Variants in CDYL2 observed in about 807,000 individuals in gnomAD.
CDYL2 encodes the protein chromodomain Y like 2, also known as chromodomain Y-like protein 2.
Under a neutral mutation model 49.4 loss-of-function variants are expected in CDYL2, and 23 were observed. The ratio of observed to expected loss-of-function variants is 0.47; its 90% CI spans 0.34 to 0.66. The LOEUF (loss-of-function observed/expected upper bound fraction) is 0.66, where lower values mean the gene tolerates loss of function less well. Ranked by LOEUF, CDYL2 falls within the 30% of genes least tolerant of loss-of-function variation. CDYL2 has a pLI of 0.01. For synonymous variants in CDYL2, 360 were observed against 268.8 expected, an observed-to-expected ratio of 1.34 and a Z score of -3.32; for missense variants, 678 against 656.4, an observed-to-expected ratio of 1.03 and a Z score of -0.36.
Position 80,612,500 on chromosome 16 carries a change from G to C in CDYL2, c.1218+126C>G. 1 of 891,930 alleles carries C rather than the reference G, an allele frequency of 1.1e-6. No individual in the cohort carries two copies. Among genetic ancestry groups the C allele is most frequent in the Non-Finnish European group, 1.7e-6 (1 of 583,494 alleles). The allele number at this position is 891,930 out of a possible 1,614,324, so 55.3% of individuals were successfully genotyped here. ...CTGGCACTGAAGGTGTGAAGGACATGAGGCAGCCAAGCCAATCTGCAGGCT... is the reference window on the plus strand; with the variant it reads ...CTGGCACTGAAGGTGTGAAGGACATCAGGCAGCCAAGCCAATCTGCAGGCT... On this transcript the variant is annotated intron_variant, in intron 5 of 6. Coordinates refer to ENST00000570137, the MANE Select transcript of CDYL2 (RefSeq NM_152342.4). This position sits in a 1 kb window ranked among gnomAD's most constrained non-coding sequence, Gnocchi z 5.0.
At chr16:80,773,559 T>C (rs1324100377) in intron 1 of CDYL2, among the ~76,000 whole-genome samples, 1 of 152,120 alleles carries the variant, frequency 6.6e-6, no homozygotes, top group Non-Finnish European at 1.5e-5. Context: ...AGTCCCACAC[T>C]AGGTGATAAG....
intron 2 of CDYL2, among the ~76,000 whole-genome samples, chr16:80,679,292 A>AAACC (rs1395256716): frequency 6.0e-5 from 2 of 33,546 alleles, no homozygotes; most frequent in Non-Finnish European, 2.3e-4. Flanking sequence ...ATAAATAAAT[A>AAACC]AACAAACAAG....
Position 80,633,199 on chromosome 16 carries a change from A to C in CDYL2, c.654T>G (p.Ser218Arg), listed in dbSNP as rs1211531545. 2 of 1,614,140 alleles carry C rather than the reference A, an allele frequency of 1.2e-6. No individual in the cohort carries two copies. The highest frequency in any genetic ancestry group is 1.7e-6 in the Non-Finnish European group (2 of 1,180,006). The change falls in exon 3 of 7, where the codon AGT becomes AGG. Residue 218 changes from serine to arginine, a missense_variant. Physicochemically the swap from Ser to Arg is moderately radical, Grantham distance 110 (BLOSUM62 -1). This residue lies in a region of CDYL2 where 478 missense variants were observed against 427.0 expected (regional missense o/e 1.12). Transcript: ENST00000570137. Reference sequence around the variant, plus strand: ...CCGCTTCCAGCTTCCTCTTCACTGGACTGTGCAGGTTCAATCCCCCGTTGG... The same window carrying C: ...CCGCTTCCAGCTTCCTCTTCACTGGCCTGTGCAGGTTCAATCCCCCGTTGG... ...ALTNGGLNLH[S>R]PVKRKLEAEK...
intron 1 of CDYL2, among the ~76,000 whole-genome samples, chr16:80,731,574 A>G (rs1250453112): frequency 1.3e-5 from 2 of 152,186 alleles, no homozygotes; most frequent in Non-Finnish European, 2.9e-5. Context: ...GATTTCAAAG[A>G]TAAGACTGTG....
intron 2 of CDYL2, among the ~76,000 whole-genome samples, chr16:80,655,102 C>T (rs1209930559): frequency 6.6e-6 from 1 of 152,226 alleles, no homozygotes; most frequent in East Asian, 1.9e-4. Context: ...TGGGGACATC[C>T]ATCCCTGCTG....
intron 1 of CDYL2, among the ~76,000 whole-genome samples, chr16:80,730,738 A>T (rs7190314): frequency 0.85 from 129,669 of 152,182 alleles, 56,657 homozygotes; most frequent in Non-Finnish European, 0.95. Flanking sequence ...ATAAATATGT[A>T]GGGGTGTATC....
chr16:80,690,428 G>A (rs1910370240), intron 1 of CDYL2, among the ~76,000 whole-genome samples: 2 of 152,070 alleles, frequency 1.3e-5, no homozygotes, highest in South Asian at 4.2e-4. Flanking sequence ...CATGACTAAG[G>A]GCCAGCTGCT....
chr16:80,663,495 T>C (rs540116016), intron 2 of CDYL2, among the ~76,000 whole-genome samples: 4 of 152,236 alleles, frequency 2.6e-5, no homozygotes, highest in Middle Eastern at 3.4e-3. Flanking sequence ...ATAAAATCCA[T>C]ACACTTCGAA....
At chr16:80,704,456 C>T (rs1182126572) in intron 1 of CDYL2, among the ~76,000 whole-genome samples, 2 of 152,240 alleles carry the variant, frequency 1.3e-5, no homozygotes, top group African/African-American at 4.8e-5. Context: ...GGCCCTCATG[C>T]TCATGAAGCA....
chr16:80,708,693 T>A (rs13336485), intron 1 of CDYL2, among the ~76,000 whole-genome samples: 1 of 152,122 alleles, frequency 6.6e-6, no homozygotes, highest in Non-Finnish European at 1.5e-5. Context: ...TCAATAAATA[T>A]CAGCTGGTAG....
At chr16:80,619,197 C>G (rs978427390) in intron 4 of CDYL2, among the ~76,000 whole-genome samples, 1 of 152,176 alleles carries the variant, frequency 6.6e-6, no homozygotes, top group Non-Finnish European at 1.5e-5. Flanking sequence ...CTCTCTGCGT[C>G]TGGAGCCCAC....
intron 3 of CDYL2, among the ~76,000 whole-genome samples, chr16:80,622,725 C>A (rs758934660): frequency 6.6e-6 from 1 of 152,122 alleles, no homozygotes; most frequent in African/African-American, 2.4e-5. Context: ...ACAAGGCCAA[C>A]TCAAAAGGCA....
rs564274526 is a variant in CDYL2, at chr16:80,702,664, C to T, written c.25-17535G>A. On this transcript the variant is annotated intron_variant, in intron 1 of 6. Transcript: ENST00000570137. Reference sequence around the variant, plus strand: ...ACTCGGGAGGCTGAGGCTGGAAGATCGCTTGAGCCCAGGAAGGCAAGGTTG... The same window carrying T: ...ACTCGGGAGGCTGAGGCTGGAAGATTGCTTGAGCCCAGGAAGGCAAGGTTG... Among the ~76,000 whole-genome samples, 4 of 152,228 alleles carry T rather than the reference C, an allele frequency of 2.6e-5. No homozygotes were observed. The South Asian group carries it at 8.3e-4, about 32-fold the overall frequency.
At chr16:80,702,610 T>A (rs575598292) in intron 1 of CDYL2, among the ~76,000 whole-genome samples, 1 of 152,030 alleles carries the variant, frequency 6.6e-6, no homozygotes, top group Admixed American at 6.6e-5. Context: ...ATTAGCTGGG[T>A]GTGGTGGCTC....
At chr16:80,801,972 T>C (rs1372401089) in intron 1 of CDYL2, among the ~76,000 whole-genome samples, 2 of 152,326 alleles carry the variant, frequency 1.3e-5, no homozygotes, top group East Asian at 1.9e-4. Context: ...TAATCAGCCA[T>C]GGGAAAGCCA....
chr16:80,686,856 A>C (rs1370706551), intron 1 of CDYL2, among the ~76,000 whole-genome samples: 1 of 152,204 alleles, frequency 6.6e-6, no homozygotes, highest in African/African-American at 2.4e-5. Flanking sequence ...TCTCCATCCA[A>C]ACTGGCTATC....
intron 2 of CDYL2, among the ~76,000 whole-genome samples, chr16:80,679,967 T>C (rs926927137): frequency 2.0e-5 from 3 of 152,212 alleles, no homozygotes; most frequent in Non-Finnish European, 4.4e-5. Context: ...GCCGGATCCA[T>C]GTTTGGGAGC....
Position 80,742,956 on chromosome 16 carries a change from A to G in CDYL2, c.25-57827T>C, listed in dbSNP as rs540504561. The stretch of plus-strand genomic sequence containing the variant: ...ATGAAGGACAGATAGGTGGATGGGT[A>G]GATGAATGGGTGGATGAATCGATAG... On this transcript the variant is annotated intron_variant, in intron 1 of 6. Coordinates refer to ENST00000570137, the MANE Select transcript of CDYL2 (RefSeq NM_152342.4). 4.0e-4 allele frequency among the ~76,000 whole-genome samples: 55 copies of G among 139,220 alleles called. No individual in the cohort carries two copies. In the South Asian group the frequency reaches 8.1e-3, roughly 21 times the overall value. 91.3% of individuals were successfully genotyped at this position (139,220 alleles called of 152,430 possible). A position where few individuals can be genotyped will look rare whatever the true frequency, so the allele number is the denominator to read the frequency against.
Position 80,705,978 on chromosome 16 carries a change from C to A in CDYL2, c.25-20849G>T, listed in dbSNP as rs543460209. ...AGAAAAGCATATATTGAGCATCTAC[C>A]GTATGCTGGACACTCCAAGGCAGTA... On this transcript the variant is annotated intron_variant, in intron 1 of 6. Coordinates refer to ENST00000570137, the MANE Select transcript of CDYL2 (RefSeq NM_152342.4). Among the ~76,000 whole-genome samples the A allele has an allele frequency of 1.3e-3, 200 of 152,278 alleles. 1 individual carries two copies. The highest frequency in any genetic ancestry group is 2.5e-3 in the Non-Finnish European group (172 of 68,020).
Sources: gnomAD v4.1 joint callset for allele counts (sites outside exome capture counted in the v4.1 genomes callset) on GRCh38, gnomAD v4.1.1 for gene constraint, gnomAD v4.1.1 regional missense constraint, Gnocchi (gnomAD v3.1) non-coding constraint, MANE v1.5 for transcripts, NCBI Gene and HGNC (gene_info 2026-07-23, HGNC 2026-07-21) for gene names.